The following PKN2 variants were observed in gnomAD, a reference collection of about 807,000 sequenced individuals.
PKN2 encodes serine/threonine-protein kinase N2.
PKN2 carries 38 observed loss-of-function variants against 119.1 expected under a neutral mutation model. That is an observed-to-expected ratio of 0.32 (90% CI 0.25 to 0.42). The LOEUF (loss-of-function observed/expected upper bound fraction) is 0.42, where lower values mean the gene tolerates loss of function less well. Among genes scored for constraint, PKN2 ranks in the 10% least tolerant of loss-of-function variants. PKN2 has a pLI of 1.00. For synonymous variants in PKN2, 390 were observed against 384.9 expected, an observed-to-expected ratio of 1.01 and a Z score of -0.15; for missense variants, 850 against 1,165.1, an observed-to-expected ratio of 0.73 and a Z score of 3.94.
At chr1:88,724,897 T>C (rs1336131755) in intron 1 of PKN2, among the ~76,000 whole-genome samples, 1 of 146,348 alleles carries the variant, frequency 6.8e-6, no homozygotes, top group Non-Finnish European at 1.5e-5. Flanking sequence ...TTTTTTTTTT[T>C]TTTTTCCTTC....
At chr1:88,789,613 A>G (rs1670728078) in intron 8 of PKN2, among the ~76,000 whole-genome samples, 1 of 152,002 alleles carries the variant, frequency 6.6e-6, no homozygotes, top group South Asian at 2.1e-4. Flanking sequence ...CAGTGAGCTG[A>G]GATCACGCCA....
intron 1 of PKN2, among the ~76,000 whole-genome samples, chr1:88,732,277 A>G (rs1668171038): frequency 6.6e-6 from 1 of 152,236 alleles, no homozygotes; most frequent in East Asian, 1.9e-4. Context: ...GAAGTGGAGA[A>G]AATTTTATTG....
chr1:88,695,513 C>T (rs1234745918), intron 1 of PKN2, among the ~76,000 whole-genome samples: 1 of 152,098 alleles, frequency 6.6e-6, no homozygotes, highest in East Asian at 1.9e-4. Context: ...CATCCCATTC[C>T]CCAGTTGTGG....
intron 6 of PKN2, among the ~76,000 whole-genome samples, chr1:88,776,976 G>C (rs887590331): frequency 2.0e-5 from 3 of 152,028 alleles, no homozygotes; most frequent in Non-Finnish European, 4.4e-5. Context: ...TCTTTCATCA[G>C]ATTTGGGAAG....
At chr1:88,744,962 T>C (rs1668715770) in intron 2 of PKN2, among the ~76,000 whole-genome samples, 1 of 152,228 alleles carries the variant, frequency 6.6e-6, no homozygotes, top group Non-Finnish European at 1.5e-5. Context: ...TACTCTGAGC[T>C]TCTTGTTCAT....
intron 2 of PKN2, among the ~76,000 whole-genome samples, chr1:88,753,974 T>G (rs1570580200): frequency 6.6e-6 from 1 of 152,260 alleles, no homozygotes; most frequent in East Asian, 1.9e-4. Flanking sequence ...TGCCATAAAT[T>G]TAACTGTAAT....
intron 1 of PKN2, among the ~76,000 whole-genome samples, chr1:88,731,051 G>A (rs1668127743): frequency 6.6e-6 from 1 of 152,162 alleles, no homozygotes; most frequent in Admixed American, 6.5e-5. Context: ...TTTCATGTCT[G>A]TCTTCTTTAA....
chr1:88,781,903 G>A (rs148964184), intron 6 of PKN2, among the ~76,000 whole-genome samples: 6 of 152,034 alleles, frequency 3.9e-5, no homozygotes, highest in Non-Finnish European at 7.4e-5. Flanking sequence ...TGTTATCACT[G>A]TACAGTAAGA....
chr1:88,744,555 G>A (rs1668697633), intron 2 of PKN2, among the ~76,000 whole-genome samples: 1 of 152,142 alleles, frequency 6.6e-6, no homozygotes, highest in African/African-American at 2.4e-5. Context: ...CGAGTAGCTG[G>A]CACTACAGGC....
intron 1 of PKN2, among the ~76,000 whole-genome samples, chr1:88,702,567 A>G (rs185881060): frequency 1.3e-5 from 2 of 152,358 alleles, no homozygotes; most frequent in East Asian, 3.9e-4. Flanking sequence ...AACAGTAAAA[A>G]AAGATGTAAA....
At position 88,828,500 on chromosome 1, in the gene PKN2, A is replaced by C; in HGVS notation, c.2439A>C (p.Arg813Ser). 6.2e-7 allele frequency: 1 copy of C among 1,612,388 alleles called. No individual in the cohort carries two copies. The highest frequency in any genetic ancestry group is 8.5e-7 in the Non-Finnish European group (1 of 1,178,642). Residue 813 changes from arginine (R) to serine (S), a missense_variant, in exon 19 of 22, where the codon AGA (arginine) becomes AGC (serine). Around this residue, in one of 9 missense-constraint regions of PKN2, gnomAD observed 55 missense variants for 85.9 expected, o/e 0.64. Coordinates refer to ENST00000370521, the MANE Select transcript of PKN2 (RefSeq NM_006256.4). ...LCKEGMGYGDRTSTFCGTPEF... is the reference protein window; with the variant it reads ...LCKEGMGYGDSTSTFCGTPEF... ...TTCCAGGAATGGGATATGGAGATAG[A>C]ACAAGCACATTTTGTGGCACTCCTG...
chr1:88,805,412 C>A (rs1671496959), intron 10 of PKN2, 85 bp from the exon 11 acceptor site: 1 of 1,199,148 alleles, frequency 8.3e-7, no homozygotes, highest in Non-Finnish European at 1.2e-6. Flanking sequence ...AGATTATAAA[C>A]TAATGGATAA....
intron 6 of PKN2, among the ~76,000 whole-genome samples, chr1:88,775,877 G>T (rs985121036): frequency 6.6e-6 from 1 of 152,182 alleles, no homozygotes; most frequent in South Asian, 2.1e-4. Flanking sequence ...AGGCCGAGGC[G>T]GGTGGATCAC....
intron 19 of PKN2, among the ~76,000 whole-genome samples, chr1:88,831,253 A>G (rs1672722158): frequency 6.6e-6 from 1 of 151,778 alleles, no homozygotes; most frequent in Non-Finnish European, 1.5e-5. Flanking sequence ...TTGCAGAAAA[A>G]AGATACTACA....
chr1:88,689,847 A>G (rs902433530), intron 1 of PKN2, among the ~76,000 whole-genome samples: 12 of 152,190 alleles, frequency 7.9e-5, no homozygotes, highest in Admixed American at 1.3e-4. Context: ...AGTAATAGAC[A>G]GTAATGAAGT....
Position 88,805,935 on chromosome 1 carries a change from C to T in PKN2, c.1721C>T (p.Pro574Leu). 2 of 1,613,738 alleles carry T rather than the reference C, an allele frequency of 1.2e-6. No individual in the cohort carries two copies. Among genetic ancestry groups the T allele is most frequent in the Non-Finnish European group, 1.7e-6 (2 of 1,179,708 alleles). The change falls in exon 12 of 22, where the codon CCT (proline) becomes CTT (leucine). Residue 574 changes from proline (P) to leucine (L), a missense_variant. Pro to Leu is a moderately conservative substitution (Grantham distance 98, BLOSUM62 -3). Around this residue, in one of 9 missense-constraint regions of PKN2, gnomAD observed 216 missense variants for 252.8 expected, o/e 0.85. Transcript: ENST00000370521. ...TKLDFDLEPE[P>L]PPAPPRASSL... The stretch of plus-strand genomic sequence containing the variant: ...TTGGACTTTGATCTTGAGCCTGAAC[C>T]TCCTCCAGCCCCACCACGAGCTTCT...
chr1:88,738,303 C>T (rs1209894289), intron 1 of PKN2, among the ~76,000 whole-genome samples: 1 of 152,110 alleles, frequency 6.6e-6, no homozygotes, highest in Non-Finnish European at 1.5e-5. Flanking sequence ...TATCAGAGCA[C>T]ACAGGAGAGG....
intron 1 of PKN2, among the ~76,000 whole-genome samples, chr1:88,693,271 T>G (rs1442508511): frequency 1.3e-5 from 2 of 152,112 alleles, no homozygotes; most frequent in Non-Finnish European, 2.9e-5. Context: ...AATGCTGGAG[T>G]TGATCAGATT....
At chr1:88,760,110 A>C (rs1314688597) in intron 2 of PKN2, 112 bp from the exon 3 acceptor site, 1 of 620,638 alleles carries the variant, frequency 1.6e-6, no homozygotes, top group East Asian at 3.0e-5. Flanking sequence ...AGGAGATTTC[A>C]TTTAGGCTCA....
Sources: gnomAD v4.1 joint callset for allele counts (sites outside exome capture counted in the v4.1 genomes callset) on GRCh38, gnomAD v4.1.1 for gene constraint, gnomAD v4.1.1 regional missense constraint, MANE v1.5 for transcripts, NCBI Gene and HGNC (gene_info 2026-07-23, HGNC 2026-07-21) for gene names.